Variants in SPAG1 observed in about 807,000 individuals in gnomAD.
SPAG1 encodes sperm associated antigen 1, also known as sperm-associated antigen 1.
A neutral mutation model predicts 100.5 loss-of-function variants in SPAG1; 69 were observed. The ratio of observed to expected loss-of-function variants is 0.69; its 90% CI spans 0.57 to 0.84. The LOEUF is 0.84. Ranked by LOEUF, SPAG1 falls within the 40% of genes least tolerant of loss-of-function variation. The pLI is 0.00. For missense variants in SPAG1, 955 were observed against 1,133.1 expected, an observed-to-expected ratio of 0.84 and a Z score of 2.26; for synonymous variants, 336 against 411.6, an observed-to-expected ratio of 0.82 and a Z score of 2.22.
chr8:100,185,394 C>T (rs1001244510), intron 7 of SPAG1, among the ~76,000 whole-genome samples: 1 of 152,166 alleles, frequency 6.6e-6, no homozygotes, highest in Non-Finnish European at 1.5e-5. Context: ...CTCACCCCAC[C>T]CACCTCACCT....
Position 100,240,720 on chromosome 8 carries a change from C to T in SPAG1, c.2598C>T (p.Pro866=), listed in dbSNP as rs749696519. Residue 866 remains proline, a synonymous_variant, in exon 18 of 19, where the codon CCC becomes CCT. Coordinates refer to ENST00000388798, the MANE Select transcript of SPAG1 (RefSeq NM_003114.5). ...AAAATAATCTTATTGAAAAAGATCC[C>T]TCATTGGTGTATCAGCATCTTTTAT... is the stretch of plus-strand genomic sequence containing the variant. ...SLKNNLIEKD[P]SLVYQHLLYL... 5 of 1,613,204 alleles carry T rather than the reference C, an allele frequency of 3.1e-6. No individual in the cohort carries two copies. Among genetic ancestry groups the T allele is most frequent in the Non-Finnish European group, 4.2e-6 (5 of 1,179,654 alleles).
chr8:100,240,873 T>A lies in SPAG1; in HGVS notation c.2650-18T>A. 8 of 1,566,430 alleles carry A rather than the reference T, an allele frequency of 5.1e-6. No individual in the cohort carries two copies. The highest frequency in any genetic ancestry group is 6.9e-6 in the Non-Finnish European group (8 of 1,164,396). On this transcript the variant is annotated intron_variant, in intron 18 of 18. Transcript: ENST00000388798. Reference sequence around the variant, plus strand: ...ACATAGTTGGTTTTTTGTTTTTTTTTTTTTTTGCTTCTTTTAGATGATGTT... The same window carrying A: ...ACATAGTTGGTTTTTTGTTTTTTTTATTTTTTGCTTCTTTTAGATGATGTT...
At chr8:100,194,002 T>G (rs1398166816) in intron 9 of SPAG1, 110 bp from the exon 10 acceptor site, 2 of 967,038 alleles carry the variant, frequency 2.1e-6, no homozygotes, top group African/African-American at 1.7e-5. Context: ...AAAAAAAGCC[T>G]TGTCTTAGTT....
intron 13 of SPAG1, among the ~76,000 whole-genome samples, chr8:100,223,645 C>T (rs998130033): frequency 6.6e-6 from 1 of 151,298 alleles, no homozygotes; most frequent in African/African-American, 2.4e-5. Flanking sequence ...TAACCATATG[C>T]CTCTCTTCCT....
intron 4 of SPAG1, among the ~76,000 whole-genome samples, chr8:100,178,893 G>T (rs1340635895): frequency 2.0e-5 from 3 of 151,698 alleles, no homozygotes; most frequent in African/African-American, 7.3e-5. Context: ...AGGAGTTCGA[G>T]ACCAGCCTGG....
chr8:100,180,305 T>G (rs963026238), intron 4 of SPAG1, among the ~76,000 whole-genome samples: 4 of 152,128 alleles, frequency 2.6e-5, no homozygotes, highest in Non-Finnish European at 5.9e-5. Context: ...ATCACTATAC[T>G]CCAGTCTGGG....
intron 13 of SPAG1, 63 bp downstream of exon 13, chr8:100,220,494 C>T: frequency 7.4e-7 from 1 of 1,350,224 alleles, no homozygotes; most frequent in Non-Finnish European, 1.0e-6. Context: ...CCTTCCCCTC[C>T]TTCAAGAACA....
intron 7 of SPAG1, 75 bp downstream of exon 7, chr8:100,184,808 A>G: frequency 1.2e-6 from 1 of 832,512 alleles, no homozygotes; most frequent in Non-Finnish European, 1.9e-6. Flanking sequence ...AACAATATAA[A>G]TAAGCGAAAG....
In SPAG1 at chr8:100,233,500, CCTT is replaced by C. The variant is rs1384982974; in HGVS notation, c.2081_2083del (p.Phe694del). On this transcript the variant is annotated inframe_deletion, in exon 16 of 19. Coordinates refer to ENST00000388798, the MANE Select transcript of SPAG1 (RefSeq NM_003114.5). Reference sequence around the variant, plus strand: ...CAGCTAGCTGATGGGAACGTGAAAGCCTTCTATAGACGAGCTCTGGCTCATAAA... The same window carrying C: ...CAGCTAGCTGATGGGAACGTGAAAGCCTATAGACGAGCTCTGGCTCATAAA... 20 of 1,613,478 alleles carry C rather than the reference CCTT, an allele frequency of 1.2e-5. No individual in the cohort carries two copies. The highest frequency in any genetic ancestry group is 8.3e-5 in the Admixed American group (5 of 59,918).
intron 14 of SPAG1, among the ~76,000 whole-genome samples, chr8:100,226,997 A>T (rs1818545313): frequency 6.6e-6 from 1 of 152,228 alleles, no homozygotes; most frequent in Non-Finnish European, 1.5e-5. Flanking sequence ...CACAGTATTC[A>T]GTACAGTAAC....
Position 100,240,567 on chromosome 8 carries a change from T to A in SPAG1, c.2445T>A (p.Ala815=). 1 of 1,614,058 alleles carries A rather than the reference T, an allele frequency of 6.2e-7. No homozygotes were observed. Among genetic ancestry groups the A allele is most frequent in the Non-Finnish European group, 8.5e-7 (1 of 1,179,978 alleles). Residue 815 remains alanine (A), a synonymous_variant, in exon 18 of 19, where the codon GCT becomes GCA. Coordinates refer to ENST00000388798, the MANE Select transcript of SPAG1 (RefSeq NM_003114.5). The part of the protein sequence containing the change: ...NAYEFGQIIN[A]LSTRKDKEAC... Reference sequence around the variant, plus strand: ...ATGAATTTGGTCAGATTATAAATGCTCTCAGTACCAGGAAGGATAAAGAAG... The same window carrying A: ...ATGAATTTGGTCAGATTATAAATGCACTCAGTACCAGGAAGGATAAAGAAG...
intron 10 of SPAG1, among the ~76,000 whole-genome samples, chr8:100,204,390 T>G (rs1817419070): frequency 6.6e-6 from 1 of 152,022 alleles, no homozygotes; most frequent in Non-Finnish European, 1.5e-5. Context: ...AGAACAGGCA[T>G]GGGAATGGAT....
intron 2 of SPAG1, among the ~76,000 whole-genome samples, chr8:100,163,123 A>G (rs998621734): frequency 4.6e-5 from 7 of 152,162 alleles, no homozygotes; most frequent in Non-Finnish European, 7.3e-5. Flanking sequence ...CCTGACGGTA[A>G]TACCAGAAGG....
chr8:100,201,593 T>C (rs1431619277), intron 10 of SPAG1, among the ~76,000 whole-genome samples: 1 of 152,226 alleles, frequency 6.6e-6, no homozygotes, highest in African/African-American at 2.4e-5. Flanking sequence ...GTTCCTGATT[T>C]ATACAACTCC....
chr8:100,236,820 C>A (rs1237447576), intron 16 of SPAG1, among the ~76,000 whole-genome samples: 1 of 151,854 alleles, frequency 6.6e-6, no homozygotes, highest in Non-Finnish European at 1.5e-5. Flanking sequence ...GAATTTACAC[C>A]CAATAGAGGG....
intron 16 of SPAG1, among the ~76,000 whole-genome samples, chr8:100,234,496 C>T (rs1449564933): frequency 1.3e-5 from 2 of 152,202 alleles, no homozygotes; most frequent in Non-Finnish European, 2.9e-5. Context: ...TTGTTTTGGA[C>T]ATTACCATAA....
At position 100,213,262 on chromosome 8, in the gene SPAG1, T is replaced by TGCG. The variant is rs962670800; in HGVS notation, c.1283_1285dup (p.Ala428dup). The TGCG allele has an allele frequency of 5.9e-5, 72 of 1,213,158 alleles. No individual in the cohort carries two copies. The highest frequency in any genetic ancestry group is 3.2e-4 in the Middle Eastern group (1 of 3,128). The allele number at this position is 1,213,158 out of a possible 1,614,324, so 75.1% of individuals were successfully genotyped here. On this transcript the variant is annotated inframe_insertion, in exon 11 of 19. Coordinates refer to ENST00000388798, the MANE Select transcript of SPAG1 (RefSeq NM_003114.5). Reference sequence around the variant, plus strand: ...ACAAGCGGAGCCCACGGCGGGCCTCTGCGGCGGCGGCGGCGGGCGGCGGCG... The same window carrying TGCG: ...ACAAGCGGAGCCCACGGCGGGCCTCTGCGGCGGCGGCGGCGGCGGGCGGCGGCG...
intron 16 of SPAG1, among the ~76,000 whole-genome samples, chr8:100,237,249 T>G (rs1819048128): frequency 6.6e-6 from 1 of 152,142 alleles, no homozygotes; most frequent in South Asian, 2.1e-4. Flanking sequence ...TCTGGCTAAT[T>G]TTTGTATGTT....
chr8:100,168,247 C>T (rs1815651983), intron 3 of SPAG1, among the ~76,000 whole-genome samples: 1 of 152,086 alleles, frequency 6.6e-6, no homozygotes. Flanking sequence ...TTAGTTTTAG[C>T]CATCCTACCA....
Sources: gnomAD v4.1 joint callset for allele counts (sites outside exome capture counted in the v4.1 genomes callset) on GRCh38, gnomAD v4.1.1 for gene constraint, MANE v1.5 for transcripts, NCBI Gene and HGNC (gene_info 2026-07-23, HGNC 2026-07-21) for gene names.